SLC44A5: variants seen among roughly 807,000 people sequenced by gnomAD.
SLC44A5 encodes solute carrier family 44 member 5, also known as choline transporter-like protein 5.
A neutral mutation model predicts 101.8 loss-of-function variants in SLC44A5; 57 were observed. The observed-to-expected ratio is 0.56, with a 90% CI of 0.45 to 0.70. The LOEUF (loss-of-function observed/expected upper bound fraction) is 0.70. Among genes scored for constraint, SLC44A5 ranks in the 30% least tolerant of loss-of-function variants. The pLI, the probability that SLC44A5 is intolerant of heterozygous loss-of-function variation, is 0.00. For missense variants in SLC44A5, 737 were observed against 853.1 expected, an observed-to-expected ratio of 0.86 and a Z score of 1.70; for synonymous variants, 281 against 290.9, an observed-to-expected ratio of 0.97 and a Z score of 0.35.
At chr1:75,383,656 C>A (rs1476179039) in intron 3 of SLC44A5, among the ~76,000 whole-genome samples, 1 of 152,174 alleles carries the variant, frequency 6.6e-6, no homozygotes, top group East Asian at 1.9e-4. Flanking sequence ...AGGAGAACTT[C>A]CCCAATCTAG....
intron 2 of SLC44A5, among the ~76,000 whole-genome samples, chr1:75,541,048 C>T (rs1459215031): frequency 2.0e-5 from 3 of 152,180 alleles, no homozygotes; most frequent in African/African-American, 7.2e-5. Flanking sequence ...CTAGGATAAA[C>T]TGTTAAAACT....
intron 1 of SLC44A5, among the ~76,000 whole-genome samples, chr1:75,577,551 C>G (rs1311304002): frequency 6.6e-6 from 1 of 152,112 alleles, no homozygotes; most frequent in Non-Finnish European, 1.5e-5. Flanking sequence ...CTCGGTGAGC[C>G]CTTCCCTAAA....
At chr1:75,538,201 G>T (rs905888029) in intron 2 of SLC44A5, 3 of 152,100 alleles carry the variant, frequency 2.0e-5, no homozygotes, top group African/African-American at 7.2e-5. Flanking sequence ...TTATCTTAGG[G>T]TAGGAGAAAA....
intron 2 of SLC44A5, among the ~76,000 whole-genome samples, chr1:75,430,278 T>A (rs1176508706): frequency 1.3e-5 from 2 of 152,102 alleles, no homozygotes; most frequent in Non-Finnish European, 2.9e-5. Context: ...CTCTGGAAGA[T>A]GTAGCAACAA....
chr1:75,327,829 C>T lies in SLC44A5; in HGVS notation c.101+11753G>A, dbSNP rs911231488. On this transcript the variant is annotated intron_variant, in intron 4 of 23. Transcript: ENST00000370859. ...TGCATAGTCATTACATTAAGAAAGG[C>T]ATGTTAGTGCGTAAAGAGGACTCTT... Among the ~76,000 whole-genome samples the T allele has an allele frequency of 2.0e-5, 3 of 152,220 alleles. No homozygotes were observed. In the East Asian group the frequency reaches 5.8e-4, roughly 29 times the overall value.
At chr1:75,388,465 A>C (rs968090325) in intron 3 of SLC44A5, among the ~76,000 whole-genome samples, 2 of 151,922 alleles carry the variant, frequency 1.3e-5, no homozygotes, top group African/African-American at 4.9e-5. Context: ...TATCCAGCTA[A>C]CAACATCACA....
At chr1:75,420,337 T>C (rs1391554497) in intron 2 of SLC44A5, among the ~76,000 whole-genome samples, 1 of 151,874 alleles carries the variant, frequency 6.6e-6, no homozygotes, top group Non-Finnish European at 1.5e-5. Flanking sequence ...AAATTATTGG[T>C]GTAGATAAAG....
At chr1:75,221,957 C>CTTT (rs199560766) in intron 14 of SLC44A5, among the ~76,000 whole-genome samples, 12 of 126,850 alleles carry the variant, frequency 9.5e-5, no homozygotes, top group East Asian at 2.0e-4. Flanking sequence ...AAGTCTTCTT[C>CTTT]TTCTTTTTTT....
intron 2 of SLC44A5, among the ~76,000 whole-genome samples, chr1:75,519,591 A>G (rs1393773891): frequency 6.6e-6 from 1 of 152,188 alleles, no homozygotes; most frequent in South Asian, 2.1e-4. Flanking sequence ...CATCATGCAC[A>G]CACATATACA....
At chr1:75,474,620 T>A (rs773242985) in intron 2 of SLC44A5, among the ~76,000 whole-genome samples, 8 of 152,214 alleles carry the variant, frequency 5.3e-5, no homozygotes, top group Non-Finnish European at 1.0e-4. Flanking sequence ...TGCCAATTAG[T>A]AGTCCAAGTT....
chr1:75,278,976 C>T (rs1226993322), intron 5 of SLC44A5, among the ~76,000 whole-genome samples: 1 of 151,930 alleles, frequency 6.6e-6, no homozygotes, highest in Non-Finnish European at 1.5e-5. Flanking sequence ...TGTTTTGATA[C>T]ATGTATACAA....
At chr1:75,227,878 A>C in intron 12 of SLC44A5, 21 bp from the exon 13 acceptor site, 1 of 1,567,540 alleles carries the variant, frequency 6.4e-7, no homozygotes, top group South Asian at 1.2e-5. Flanking sequence ...AAAGAAAAAC[A>C]GAATAATATA....
At chr1:75,687,470 A>G in the SLC44A5 span, among the ~76,000 whole-genome samples, 1 of 151,734 alleles carries the variant, frequency 6.6e-6, no homozygotes, top group African/African-American at 2.4e-5. Flanking sequence ...CGCCTGGCTA[A>G]TTTTTGTATT....
chr1:75,571,054 G>T (rs211758), intron 1 of SLC44A5, among the ~76,000 whole-genome samples: 50,892 of 151,820 alleles, frequency 0.34, 9,258 homozygotes, highest in East Asian at 0.78. Context: ...GAAAGAGAAA[G>T]ATATAAACTA....
chr1:75,280,455 T>C (rs1177981318), intron 5 of SLC44A5, among the ~76,000 whole-genome samples: 1 of 115,828 alleles, frequency 8.6e-6, no homozygotes, highest in East Asian at 2.3e-4. Flanking sequence ...ATATATTATA[T>C]ATAGTATATA....
At chr1:75,555,574 G>A (rs1217214327) in intron 1 of SLC44A5, among the ~76,000 whole-genome samples, 1 of 151,992 alleles carries the variant, frequency 6.6e-6, no homozygotes, top group African/African-American at 2.4e-5. Context: ...TACATGGAGT[G>A]CCCGTTCAAA....
At chr1:75,419,274 C>A (rs532324029) in intron 2 of SLC44A5, among the ~76,000 whole-genome samples, 1 of 151,768 alleles carries the variant, frequency 6.6e-6, no homozygotes, top group South Asian at 2.1e-4. Context: ...AAACCCCAGG[C>A]AGGATAAACA....
chr1:75,220,538 T>C (rs1371634034), intron 14 of SLC44A5, among the ~76,000 whole-genome samples: 1 of 152,068 alleles, frequency 6.6e-6, no homozygotes, highest in Non-Finnish European at 1.5e-5. Flanking sequence ...ATTTTTAAAT[T>C]ATAAATTTAA....
At chr1:75,515,546 G>C (rs1237968794) in intron 2 of SLC44A5, among the ~76,000 whole-genome samples, 3 of 152,188 alleles carry the variant, frequency 2.0e-5, no homozygotes, top group African/African-American at 7.2e-5. Context: ...TTCTGTGCCT[G>C]ACTTATTTCA....
Sources: allele counts gnomAD v4.1 joint callset (sites outside exome capture counted in the v4.1 genomes callset), GRCh38; gene constraint gnomAD v4.1.1; transcripts MANE v1.5; gene names NCBI Gene and HGNC (gene_info 2026-07-23, HGNC 2026-07-21).